The following DLGAP4 variants were observed in gnomAD, a reference collection of about 807,000 sequenced individuals.
DLGAP4 encodes the protein disks large-associated protein 4.
A neutral mutation model predicts 86.9 loss-of-function variants in DLGAP4; 18 were observed. That is an observed-to-expected ratio of 0.21 (90% CI 0.14 to 0.31). DLGAP4 has a LOEUF of 0.31. Ranked by LOEUF, DLGAP4 falls within the 10% of genes least tolerant of loss-of-function variation. DLGAP4 has a pLI of 1.00. For missense variants in DLGAP4, 1,085 were observed against 1,362.6 expected (o/e 0.80, Z 3.21); for synonymous variants, 548 against 574.3 (o/e 0.95, Z 0.65).
At chr20:36,371,750 T>G (rs2030945431) in intron 2 of DLGAP4, among the ~76,000 whole-genome samples, 1 of 152,012 alleles carries the variant, frequency 6.6e-6, no homozygotes, top group African/African-American at 2.4e-5. Context: ...GTCGTAGAGG[T>G]TTTTGTTTTT....
At chr20:36,525,304 T>TTAC (rs1317474762) in intron 11 of DLGAP4, among the ~76,000 whole-genome samples, 1 of 142,924 alleles carries the variant, frequency 7.0e-6, no homozygotes, top group Non-Finnish European at 1.5e-5. Context: ...TCCCTCCCTC[T>TTAC]TACCTGTTAG....
chr20:36,421,326 C>T (rs1035166628), intron 2 of DLGAP4, among the ~76,000 whole-genome samples: 1 of 151,568 alleles, frequency 6.6e-6, no homozygotes, highest in Non-Finnish European at 1.5e-5. Context: ...GGCGTGGTGA[C>T]GTGTGCCTTT....
chr20:36,312,679 G>C (rs1256546986), intron 1 of DLGAP4, among the ~76,000 whole-genome samples: 3 of 152,166 alleles, frequency 2.0e-5, no homozygotes, highest in Non-Finnish European at 4.4e-5. Flanking sequence ...GACTCAAGAT[G>C]GGGGATTAGA....
chr20:36,398,266 C>T (rs904414074), intron 2 of DLGAP4, among the ~76,000 whole-genome samples: 1 of 152,116 alleles, frequency 6.6e-6, no homozygotes, highest in African/African-American at 2.4e-5. Context: ...ATTCCTGATC[C>T]GGTCTGTGTG....
intron 2 of DLGAP4, among the ~76,000 whole-genome samples, chr20:36,390,009 T>C (rs2425241): frequency 0.96 from 146,833 of 152,324 alleles, 70,813 homozygotes; most frequent in East Asian, 1. Context: ...CTCCTGGCCT[T>C]CTAATGGGGG....
intron 1 of DLGAP4, among the ~76,000 whole-genome samples, chr20:36,320,271 C>T (rs1277658360): frequency 6.6e-6 from 1 of 151,424 alleles, no homozygotes; most frequent in African/African-American, 2.4e-5. Flanking sequence ...TTATCCCCTC[C>T]TCTAAGCCCT....
chr20:36,351,411 T>C (rs2030150230), intron 1 of DLGAP4, among the ~76,000 whole-genome samples: 1 of 151,958 alleles, frequency 6.6e-6, no homozygotes, highest in African/African-American at 2.4e-5. Flanking sequence ...GCTCGAACCC[T>C]ATTGTGAACT....
At chr20:36,324,706 G>A (rs1386281420) in intron 1 of DLGAP4, among the ~76,000 whole-genome samples, 2 of 152,130 alleles carry the variant, frequency 1.3e-5, no homozygotes, top group Non-Finnish European at 2.9e-5. Context: ...CCTTATGACA[G>A]TTCCACATTG....
chr20:36,504,483 T>C (rs1007797297), intron 10 of DLGAP4, among the ~76,000 whole-genome samples: 1 of 152,218 alleles, frequency 6.6e-6, no homozygotes, highest in African/African-American at 2.4e-5. Context: ...AAGACTGGCG[T>C]GTTTGAGTAC....
intron 1 of DLGAP4, among the ~76,000 whole-genome samples, chr20:36,339,253 A>G (rs1348763396): frequency 6.6e-6 from 1 of 151,478 alleles, no homozygotes; most frequent in Admixed American, 6.6e-5. Context: ...ATGCCTGGCT[A>G]ATTTTTGTAT....
At chr20:36,381,109 G>A (rs1020140448) in intron 2 of DLGAP4, among the ~76,000 whole-genome samples, 4 of 152,198 alleles carry the variant, frequency 2.6e-5, no homozygotes, top group African/African-American at 9.7e-5. Flanking sequence ...AAAATAATCG[G>A]CAACCTTTCA....
chr20:36,368,293 GC>G (rs1319710508), intron 2 of DLGAP4, among the ~76,000 whole-genome samples: 12 of 152,262 alleles, frequency 7.9e-5, no homozygotes, highest in Non-Finnish European at 1.6e-4. Flanking sequence ...AAGGTGGCCA[GC>G]CCCTCTGGTC....
intron 6 of DLGAP4, among the ~76,000 whole-genome samples, chr20:36,444,351 A>G (rs62210515): frequency 0.09 from 13,692 of 152,226 alleles, 673 homozygotes; most frequent in South Asian, 0.13. Context: ...TGGTGCGATC[A>G]TGGCTCACTG....
chr20:36,396,815 G>GAA (rs2032016733), intron 2 of DLGAP4, among the ~76,000 whole-genome samples: 3 of 152,184 alleles, frequency 2.0e-5, no homozygotes, highest in Admixed American at 2.0e-4. Flanking sequence ...AACGAGCCCT[G>GAA]CCTGCCCTCT....
chr20:36,327,812 C>T (rs1358312025), intron 1 of DLGAP4, among the ~76,000 whole-genome samples: 8 of 147,074 alleles, frequency 5.4e-5, no homozygotes, highest in African/African-American at 9.8e-5. Context: ...GGGATGGTCT[C>T]GATCTCCTGA....
intron 2 of DLGAP4, among the ~76,000 whole-genome samples, chr20:36,396,388 CATGCCACAT>C (rs2031967504): frequency 5.8e-4 from 2 of 3,470 alleles, no homozygotes; most frequent in Admixed American, 3.0e-3. Flanking sequence ...CACATACACA[CATGCCACAT>C]ACACACACCA....
chr20:36,389,323 G>A (rs1338357333), intron 2 of DLGAP4, among the ~76,000 whole-genome samples: 2 of 152,220 alleles, frequency 1.3e-5, no homozygotes, highest in African/African-American at 2.4e-5. Context: ...TTGTTCTGGA[G>A]TCAGGTGGTT....
At chr20:36,371,852 C>A (rs1457103169) in intron 2 of DLGAP4, among the ~76,000 whole-genome samples, 1 of 152,022 alleles carries the variant, frequency 6.6e-6, no homozygotes, top group Non-Finnish European at 1.5e-5. Flanking sequence ...CAGTGCTCTT[C>A]CTGGGAAGTG....
intron 2 of DLGAP4, among the ~76,000 whole-genome samples, chr20:36,402,741 A>AT (rs1353564253): frequency 6.6e-6 from 1 of 152,120 alleles, no homozygotes; most frequent in Non-Finnish European, 1.5e-5. Flanking sequence ...ACCCTGTCTC[A>AT]TAAAAAAAAA....
Sources: gnomAD v4.1 joint callset for allele counts (sites outside exome capture counted in the v4.1 genomes callset) on GRCh38, gnomAD v4.1.1 for gene constraint, MANE v1.5 for transcripts, NCBI Gene and HGNC (gene_info 2026-07-23, HGNC 2026-07-21) for gene names.